LRP5: variants seen among roughly 807,000 people sequenced by gnomAD.
LRP5 encodes LDL receptor related protein 5.
A neutral mutation model predicts 154.1 loss-of-function variants in LRP5; 62 were observed. The observed-to-expected ratio is 0.40, with a 90% CI of 0.33 to 0.50. LRP5 has a LOEUF of 0.50. Among genes scored for constraint, LRP5 ranks in the 20% least tolerant of loss-of-function variants. LRP5 has a pLI of 0.55. For synonymous variants in LRP5, 966 were observed against 1,011.5 expected, an observed-to-expected ratio of 0.96 and a Z score of 0.85; for missense variants, 1,915 against 2,336.7, an observed-to-expected ratio of 0.82 and a Z score of 3.72.
chr11:68,391,155 CAG>C (rs750600810), intron 7 of LRP5, among the ~76,000 whole-genome samples: 16 of 152,196 alleles, frequency 1.1e-4, no homozygotes, highest in East Asian at 3.9e-4. Flanking sequence ...TTTTAGTAGA[CAG>C]GGGGTTTCAC....
At chr11:68,444,252 C>T (rs1181642630) in intron 21 of LRP5, among the ~76,000 whole-genome samples, 1 of 152,120 alleles carries the variant, frequency 6.6e-6, no homozygotes, top group Non-Finnish European at 1.5e-5. Flanking sequence ...TGGTGGCTCA[C>T]ACCTGTCATC....
At chr11:68,306,381 C>T in the LRP5 span, among the ~76,000 whole-genome samples, 15 of 152,140 alleles carry the variant, frequency 9.9e-5, no homozygotes, top group African/African-American at 1.4e-4. Flanking sequence ...GGTGATCCAC[C>T]CACCTCGGCC....
intron 10 of LRP5, among the ~76,000 whole-genome samples, chr11:68,410,571 C>T (rs1337837827): frequency 6.6e-6 from 1 of 152,172 alleles, no homozygotes; most frequent in Admixed American, 6.5e-5. Context: ...AAACCATGAT[C>T]CAGAACTGAC....
intron 13 of LRP5, among the ~76,000 whole-genome samples, chr11:68,421,396 C>G (rs1006431176): frequency 3.9e-5 from 6 of 152,170 alleles, no homozygotes; most frequent in African/African-American, 1.4e-4. Flanking sequence ...GTTCTCCAGA[C>G]TGCTGTCCCA....
At chr11:68,372,073 G>A (rs919951149) in intron 5 of LRP5, among the ~76,000 whole-genome samples, 20 of 152,364 alleles carry the variant, frequency 1.3e-4, no homozygotes, top group Non-Finnish European at 2.4e-4. Context: ...CTGTGCTGGT[G>A]GGACTTGTGC....
At chr11:68,401,232 C>T (rs1046068910) in intron 7 of LRP5, among the ~76,000 whole-genome samples, 8 of 152,074 alleles carry the variant, frequency 5.3e-5, no homozygotes, top group African/African-American at 1.4e-4. Context: ...ATGGCCTTTG[C>T]GTGTCTTCCT....
chr11:68,315,922 G>A (rs949769081), intron 1 of LRP5, among the ~76,000 whole-genome samples: 1 of 152,148 alleles, frequency 6.6e-6, no homozygotes, highest in Admixed American at 6.5e-5. Flanking sequence ...TAGGTGAAAG[G>A]TGTCGAGTTG....
intron 14 of LRP5, 26 bp from the exon 15 acceptor site, chr11:68,425,076 G>A (rs372565037): frequency 6.8e-6 from 11 of 1,609,910 alleles, no homozygotes; most frequent in Middle Eastern, 1.7e-4. Context: ...CCCCACACCC[G>A]TCCTTCACCC....
At chr11:68,340,178 T>TGCAGTGA (rs2098608115) in intron 1 of LRP5, among the ~76,000 whole-genome samples, 2 of 152,152 alleles carry the variant, frequency 1.3e-5, no homozygotes, top group Admixed American at 1.3e-4. Flanking sequence ...AGGCCGAGGT[T>TGCAGTGA]GCAGTGAGCT....
At chr11:68,445,533 C>T in intron 21 of LRP5, 1 of 1,204,944 alleles carries the variant, frequency 8.3e-7, no homozygotes, top group Non-Finnish European at 1.1e-6. Context: ...AACTGAGTCC[C>T]TCGGGCATAA....
the LRP5 span, among the ~76,000 whole-genome samples, chr11:68,301,730 C>G: frequency 7.4e-6 from 1 of 135,788 alleles, no homozygotes; most frequent in Non-Finnish European, 1.7e-5. Context: ...TCACACCATT[C>G]TTCTCCTGCC....
chr11:68,396,654 C>A (rs937864852), intron 7 of LRP5, among the ~76,000 whole-genome samples: 1 of 152,206 alleles, frequency 6.6e-6, no homozygotes, highest in Admixed American at 6.5e-5. Flanking sequence ...GGAGGCCCCT[C>A]CTGCTGGCCT....
At chr11:68,357,915 T>C in intron 3 of LRP5, 68 bp downstream of exon 3, 1 of 1,440,760 alleles carries the variant, frequency 6.9e-7, no homozygotes, top group Non-Finnish European at 9.5e-7. Flanking sequence ...AGGCGTTCCT[T>C]CTTAACTCAG....
chr11:68,434,790 C>T (rs1027145136), intron 18 of LRP5, among the ~76,000 whole-genome samples: 1 of 152,096 alleles, frequency 6.6e-6, no homozygotes, highest in African/African-American at 2.4e-5. Flanking sequence ...CTCCCAGAGC[C>T]ACCGGCTCTG....
In LRP5 at chr11:68,390,021, A is replaced by G; in HGVS notation, c.1553A>G (p.Tyr518Cys). ...LALDLQEGKL[Y>C]WGDAKTDKIE... ...CTGGACCTGCAGGAGGGGAAGCTCT[A>G]CTGGGGAGACGCCAAGACAGACAAG... is the stretch of plus-strand genomic sequence containing the variant. The change falls in exon 7 of 23, where the codon TAC (tyrosine) becomes TGC (cysteine). Residue 518 changes from tyrosine (Y) to cysteine (C), a missense_variant. Physicochemically the swap from Tyr to Cys is radical, Grantham distance 194. This residue lies in a region of LRP5 where 773 missense variants were observed against 1,100.9 expected (regional missense o/e 0.70). Transcript: ENST00000294304. 6.2e-7 allele frequency: 1 copy of G among 1,614,172 alleles called. No homozygotes were observed. Among genetic ancestry groups the G allele is most frequent in the Non-Finnish European group, 8.5e-7 (1 of 1,180,008 alleles).
At chr11:68,414,793 T>C (rs1220256057) in intron 12 of LRP5, among the ~76,000 whole-genome samples, 1 of 152,160 alleles carries the variant, frequency 6.6e-6, no homozygotes, top group African/African-American at 2.4e-5. Flanking sequence ...CCCAGCTGCA[T>C]GGATGGGGAA....
intron 20 of LRP5, among the ~76,000 whole-genome samples, chr11:68,439,499 C>T (rs1027757712): frequency 3.9e-5 from 6 of 152,200 alleles, no homozygotes; most frequent in Non-Finnish European, 7.4e-5. Context: ...CTGTTCCTGG[C>T]GTGCTCTGTG....
chr11:68,446,725 C>A (rs993159855), intron 22 of LRP5, among the ~76,000 whole-genome samples, 192 bp downstream of exon 22: 1 of 152,218 alleles, frequency 6.6e-6, no homozygotes, highest in Non-Finnish European at 1.5e-5. Context: ...GCGGGCACTG[C>A]ATGTTGGGTT....
chr11:68,396,545 GAGA>G (rs1248997111), intron 7 of LRP5, among the ~76,000 whole-genome samples: 1 of 152,196 alleles, frequency 6.6e-6, no homozygotes, highest in African/African-American at 2.4e-5. Context: ...GATGAATTGG[GAGA>G]AGAACAAAGG....
Sources: allele counts gnomAD v4.1 joint callset (sites outside exome capture counted in the v4.1 genomes callset), GRCh38; gene constraint gnomAD v4.1.1; regional missense constraint gnomAD v4.1.1; transcripts MANE v1.5; gene names NCBI Gene and HGNC (gene_info 2026-07-23, HGNC 2026-07-21).